The following GRID1 variants were observed in gnomAD, a reference collection of about 807,000 sequenced individuals.
The protein encoded by GRID1 is glutamate ionotropic receptor delta type subunit 1, also known as glutamate receptor ionotropic, delta-1.
Under a neutral mutation model 98.0 loss-of-function variants are expected in GRID1, and 28 were observed. The observed-to-expected ratio is 0.29, with a 90% confidence interval of 0.21 to 0.39. The LOEUF (loss-of-function observed/expected upper bound fraction) is 0.39. Among genes scored for constraint, GRID1 ranks in the 10% least tolerant of loss-of-function variants. GRID1 has a pLI of 1.00. For missense variants in GRID1, 1,111 were observed against 1,340.5 expected (o/e 0.83, Z 2.67); for synonymous variants, 553 against 538.5 (o/e 1.03, Z -0.37).
chr10:86,322,273 C>A (rs1847980892), intron 2 of GRID1, among the ~76,000 whole-genome samples: 1 of 152,150 alleles, frequency 6.6e-6, no homozygotes, highest in African/African-American at 2.4e-5. Context: ...AAGCTCCAAC[C>A]ACCACCTAAA....
At chr10:86,287,163 G>A (rs1847443086) in intron 2 of GRID1, among the ~76,000 whole-genome samples, 1 of 152,192 alleles carries the variant, frequency 6.6e-6, no homozygotes, top group African/African-American at 2.4e-5. Context: ...AGGTCCCGTG[G>A]GGAAGGAGCT....
intron 5 of GRID1, among the ~76,000 whole-genome samples, chr10:85,876,720 C>T (rs749649506): frequency 2.9e-4 from 44 of 152,158 alleles, no homozygotes; most frequent in Non-Finnish European, 4.7e-4. Flanking sequence ...TCTGGGGTAC[C>T]GGGTTCATCT....
chr10:85,737,671 T>TAA (rs1454173614), intron 8 of GRID1, among the ~76,000 whole-genome samples: 1 of 123,314 alleles, frequency 8.1e-6, no homozygotes, highest in East Asian at 2.1e-4. Context: ...TATATATATA[T>TAA]ATAAACATAT....
At chr10:85,957,287 G>A (rs1842207173) in intron 4 of GRID1, among the ~76,000 whole-genome samples, 1 of 152,190 alleles carries the variant, frequency 6.6e-6, no homozygotes, top group African/African-American at 2.4e-5. Flanking sequence ...CAGGGGTTTG[G>A]AGAACAAACT....
At chr10:85,832,728 T>A (rs1286151167) in intron 8 of GRID1, among the ~76,000 whole-genome samples, 1 of 151,856 alleles carries the variant, frequency 6.6e-6, no homozygotes, top group Non-Finnish European at 1.5e-5. Flanking sequence ...CCCAACAACA[T>A]AAAAAATGCA....
At chr10:86,164,877 G>C (rs927286031) in intron 3 of GRID1, among the ~76,000 whole-genome samples, 1 of 152,182 alleles carries the variant, frequency 6.6e-6, no homozygotes, top group Non-Finnish European at 1.5e-5. Context: ...CAGCAGCATG[G>C]AGGAGGCAGC....
chr10:85,973,237 C>G (rs1471841227), intron 4 of GRID1, among the ~76,000 whole-genome samples: 2 of 151,570 alleles, frequency 1.3e-5, no homozygotes, highest in Admixed American at 1.3e-4. Flanking sequence ...ACTTTTTTTT[C>G]TTTATTTTTT....
At chr10:85,909,173 A>C (rs1170473107) in intron 5 of GRID1, among the ~76,000 whole-genome samples, 1 of 152,238 alleles carries the variant, frequency 6.6e-6, no homozygotes, top group African/African-American at 2.4e-5. Flanking sequence ...AATGGCAAAT[A>C]AGCACAAGAA....
chr10:86,022,088 A>G lies in GRID1; in HGVS notation c.727-105849T>C, dbSNP rs561280362. 5.4e-4 allele frequency among the ~76,000 whole-genome samples: 83 copies of G among 152,370 alleles called. 1 individual carries two copies. Among genetic ancestry groups the G allele is most frequent in the Non-Finnish European group, 1.0e-4 (7 of 68,028 alleles). ...ATTATCATTTCAACATGTAATCAATATAAAAACTATTAATAAGACACTTTA... is the reference window on the plus strand; with the variant it reads ...ATTATCATTTCAACATGTAATCAATGTAAAAACTATTAATAAGACACTTTA... On this transcript the variant is annotated intron_variant, in intron 4 of 15. Transcript: ENST00000327946.
At chr10:85,758,525 A>T (rs1842119509) in intron 8 of GRID1, among the ~76,000 whole-genome samples, 2 of 152,144 alleles carry the variant, frequency 1.3e-5, no homozygotes, top group Admixed American at 1.3e-4. Context: ...GGGTTTTCAA[A>T]CTTTTTACAT....
intron 12 of GRID1, among the ~76,000 whole-genome samples, chr10:85,676,289 C>T (rs909842022): frequency 2.6e-5 from 4 of 152,108 alleles, no homozygotes; most frequent in Non-Finnish European, 5.9e-5. Flanking sequence ...TTATCTCTTC[C>T]GCAGCCCACA....
At chr10:85,865,932 T>TATATATATAC (rs1843213176) in intron 6 of GRID1, among the ~76,000 whole-genome samples, 2 of 114,172 alleles carry the variant, frequency 1.8e-5, no homozygotes, top group Non-Finnish European at 3.4e-5. Flanking sequence ...TATATATATA[T>TATATATATAC]ATATATATAT....
intron 2 of GRID1, among the ~76,000 whole-genome samples, chr10:86,212,911 G>A (rs1846126476): frequency 6.6e-6 from 1 of 152,116 alleles, no homozygotes; most frequent in Non-Finnish European, 1.5e-5. Context: ...ATGGTGGGGG[G>A]ATGGGTGGTG....
chr10:85,634,981 C>T (rs1489766729), intron 13 of GRID1, among the ~76,000 whole-genome samples: 1 of 57,848 alleles, frequency 1.7e-5, no homozygotes, highest in South Asian at 6.5e-4. Context: ...AAGCAAATTA[C>T]AGGGCAGAGG....
intron 5 of GRID1, among the ~76,000 whole-genome samples, chr10:85,875,952 T>C (rs2131798526): frequency 6.6e-6 from 1 of 152,336 alleles, no homozygotes; most frequent in African/African-American, 2.4e-5. Flanking sequence ...ATTGAGAATT[T>C]CCTTTAATTT....
At chr10:86,110,103 G>A (rs531930900) in intron 4 of GRID1, among the ~76,000 whole-genome samples, 9 of 151,844 alleles carry the variant, frequency 5.9e-5, no homozygotes, top group African/African-American at 1.9e-4. Flanking sequence ...TTCCTGAGTA[G>A]CTGGGATTAC....
rs1054195249 is a variant in GRID1, at chr10:86,341,422, G to A, written c.235+22519C>T. Among the ~76,000 whole-genome samples, 13 of 152,194 alleles carry A rather than the reference G, an allele frequency of 8.5e-5. No homozygotes were observed. The South Asian group carries it at 2.5e-3, about 29-fold the overall frequency. On this transcript the variant is annotated intron_variant, in intron 2 of 15. Transcript: ENST00000327946. Reference sequence around the variant, plus strand: ...TTACGCGGGTGCCCCTCCCTCACACGTTTCCAGAAGGGCCCGCTTAGGGAA... The same window carrying A: ...TTACGCGGGTGCCCCTCCCTCACACATTTCCAGAAGGGCCCGCTTAGGGAA...
At chr10:85,781,015 C>T (rs1246961603) in intron 8 of GRID1, among the ~76,000 whole-genome samples, 1 of 152,196 alleles carries the variant, frequency 6.6e-6, no homozygotes, top group Non-Finnish European at 1.5e-5. Flanking sequence ...GAGGGCCAAG[C>T]AGCCACTGGG....
intron 4 of GRID1, among the ~76,000 whole-genome samples, chr10:86,123,499 T>G (rs1359339113): frequency 6.6e-6 from 1 of 152,122 alleles, no homozygotes; most frequent in African/African-American, 2.4e-5. Context: ...CACCCACACA[T>G]GTCCACACAC....
Sources: allele counts gnomAD v4.1 joint callset (sites outside exome capture counted in the v4.1 genomes callset), GRCh38; gene constraint gnomAD v4.1.1; transcripts MANE v1.5; gene names NCBI Gene and HGNC (gene_info 2026-07-23, HGNC 2026-07-21).